Variants in CCBE1 observed in about 807,000 individuals in gnomAD.
CCBE1 encodes collagen and calcium-binding EGF domain-containing protein 1.
In CCBE1, 37 loss-of-function variants were observed where a neutral mutation model predicts 50.0. The ratio of observed to expected loss-of-function variants is 0.74; its 90% CI spans 0.57 to 0.97. The LOEUF (loss-of-function observed/expected upper bound fraction) is 0.97. Among genes scored for constraint, CCBE1 ranks in the 50% least tolerant of loss-of-function variants. CCBE1 has a pLI of 0.00. For missense variants in CCBE1, 538 were observed against 523.8 expected (o/e 1.03, Z -0.26); for synonymous variants, 234 against 203.7 (o/e 1.15, Z -1.27).
intron 2 of CCBE1, among the ~76,000 whole-genome samples, chr18:59,591,055 T>C (rs2053259181): frequency 2.5e-5 from 1 of 39,516 alleles, no homozygotes; most frequent in African/African-American, 2.6e-4. Context: ...CCATCCTGGC[T>C]AACACGGTGA....
At chr18:59,451,353 G>C (rs1389209448) in intron 6 of CCBE1, among the ~76,000 whole-genome samples, 1 of 149,368 alleles carries the variant, frequency 6.7e-6, no homozygotes, top group Non-Finnish European at 1.5e-5. Context: ...TCTCCTTCTG[G>C]AGTCTCCCTT....
At chr18:59,525,146 C>T (rs1370869362) in intron 2 of CCBE1, among the ~76,000 whole-genome samples, 2 of 152,244 alleles carry the variant, frequency 1.3e-5, no homozygotes, top group Non-Finnish European at 2.9e-5. Context: ...TTTGAGGAAT[C>T]ATTTCACTGT....
intron 2 of CCBE1, among the ~76,000 whole-genome samples, chr18:59,595,169 T>A (rs2053333397): frequency 6.7e-6 from 1 of 149,996 alleles, no homozygotes; most frequent in Non-Finnish European, 1.5e-5. Flanking sequence ...AAGCTTGAAG[T>A]TGGAACCTCA....
At chr18:59,579,233 T>TA (rs2053047620) in intron 2 of CCBE1, among the ~76,000 whole-genome samples, 1 of 152,160 alleles carries the variant, frequency 6.6e-6, no homozygotes, top group Non-Finnish European at 1.5e-5. Context: ...CTAGATTTGC[T>TA]AAAAGTAGCT....
chr18:59,583,869 T>C (rs1351944208), intron 2 of CCBE1, among the ~76,000 whole-genome samples: 2 of 152,188 alleles, frequency 1.3e-5, no homozygotes, highest in Non-Finnish European at 2.9e-5. Flanking sequence ...TAATCCTCTG[T>C]GGAGAAACAG....
intron 2 of CCBE1, among the ~76,000 whole-genome samples, chr18:59,641,092 G>A (rs10445541): frequency 0.45 from 68,590 of 151,886 alleles, 17,123 homozygotes; most frequent in Non-Finnish European, 0.56. Flanking sequence ...ACTTTAAACA[G>A]TGACCCCTCA....
intron 2 of CCBE1, among the ~76,000 whole-genome samples, chr18:59,625,104 A>C (rs559076788): frequency 2.0e-4 from 31 of 152,336 alleles, no homozygotes; most frequent in African/African-American, 6.7e-4. Flanking sequence ...CCCCTGCTAT[A>C]AAGACAAGGT....
At chr18:59,560,981 T>TG (rs2052728629) in intron 2 of CCBE1, among the ~76,000 whole-genome samples, 1 of 152,244 alleles carries the variant, frequency 6.6e-6, no homozygotes, top group African/African-American at 2.4e-5. Flanking sequence ...TCCTAGACCC[T>TG]GAGCCTTCAC....
intron 2 of CCBE1, among the ~76,000 whole-genome samples, chr18:59,671,824 G>T (rs191977054): frequency 4.8e-5 from 7 of 146,372 alleles, no homozygotes; most frequent in East Asian, 1.9e-4. Context: ...AAAAAAAAGG[G>T]GGGGGGTAGT....
chr18:59,525,269 C>T (rs75150559), intron 2 of CCBE1, among the ~76,000 whole-genome samples: 3,556 of 152,316 alleles, frequency 0.023, 130 homozygotes, highest in African/African-American at 0.082. Flanking sequence ...AATTGCTATT[C>T]TGACTGGCAT....
chr18:59,508,273 T>C (rs1913973718), intron 2 of CCBE1, among the ~76,000 whole-genome samples: 1 of 152,024 alleles, frequency 6.6e-6, no homozygotes, highest in African/African-American at 2.4e-5. Context: ...AGAGTTAGAA[T>C]TCCAGTTTTA....
rs532612240 is a variant in CCBE1, at chr18:59,435,292, T to C, written c.*616A>G. The C allele has an allele frequency of 5.4e-4, 85 of 156,670 alleles. No homozygotes were observed. In the South Asian group the frequency reaches 0.016, roughly 30 times the overall value. 9.7% of individuals were successfully genotyped at this position (156,670 alleles called of 1,614,324 possible). On this transcript the variant is annotated 3_prime_UTR_variant, in exon 11 of 11. Transcript: ENST00000439986. ...ATGACTGTGATTCTTTTCTATCTTC[T>C]CTAAACGCCATTCAATTCTCTCCTC... is the stretch of plus-strand genomic sequence containing the variant.
At chr18:59,696,148 T>G (rs1473198896) in intron 2 of CCBE1, among the ~76,000 whole-genome samples, 1 of 152,114 alleles carries the variant, frequency 6.6e-6, no homozygotes, top group African/African-American at 2.4e-5. Flanking sequence ...TTGTTTTCAC[T>G]CAACACAACC....
At chr18:59,649,130 T>C (rs1406573746) in intron 2 of CCBE1, among the ~76,000 whole-genome samples, 1 of 152,188 alleles carries the variant, frequency 6.6e-6, no homozygotes. Flanking sequence ...AAGCATCCCA[T>C]GAAACCTAGC....
At position 59,436,146 on chromosome 18, in the gene CCBE1, G is replaced by A; in HGVS notation, c.988-5C>T. The A allele has an allele frequency of 6.2e-7, 1 of 1,613,490 alleles. No individual in the cohort carries two copies. Among genetic ancestry groups the A allele is most frequent in the South Asian group, 1.1e-5 (1 of 91,052 alleles). On this transcript the variant is annotated splice_region_variant and splice_polypyrimidine_tract_variant and intron_variant, in intron 10 of 10. Transcript: ENST00000439986. ...GTCGAAAGAACCAGGGGGTCCCTGT[G>A]TACATGGGAGGAATCAAAGCTAGAA...
intron 2 of CCBE1, among the ~76,000 whole-genome samples, chr18:59,612,764 G>GAC (rs1483730037): frequency 5.3e-5 from 8 of 150,444 alleles, no homozygotes; most frequent in African/African-American, 1.7e-4. Flanking sequence ...GGCCTTGGGT[G>GAC]ACTTCCTTTC....
chr18:59,513,875 G>A (rs1002975966), intron 2 of CCBE1, among the ~76,000 whole-genome samples: 1 of 152,174 alleles, frequency 6.6e-6, no homozygotes, highest in Non-Finnish European at 1.5e-5. Context: ...CTGTCTCCCA[G>A]GAAGCAGGGG....
At chr18:59,664,184 T>C (rs747954390) in intron 2 of CCBE1, among the ~76,000 whole-genome samples, 7 of 152,078 alleles carry the variant, frequency 4.6e-5, no homozygotes, top group Non-Finnish European at 8.8e-5. Context: ...ATAGGGGCTT[T>C]TATAAGGGCA....
At chr18:59,494,410 A>C (rs181245613) in intron 2 of CCBE1, among the ~76,000 whole-genome samples, 5 of 152,244 alleles carry the variant, frequency 3.3e-5, no homozygotes, top group African/African-American at 9.6e-5. Flanking sequence ...ACCTAATTTA[A>C]TCTGTAGGGC....
Sources: allele counts gnomAD v4.1 joint callset (sites outside exome capture counted in the v4.1 genomes callset), GRCh38; gene constraint gnomAD v4.1.1; transcripts MANE v1.5; gene names NCBI Gene and HGNC (gene_info 2026-07-23, HGNC 2026-07-21).